Variants in CAMK1D observed in about 807,000 individuals in gnomAD.
CAMK1D encodes the protein calcium/calmodulin dependent protein kinase ID.
CAMK1D carries 9 observed loss-of-function variants against 47.7 expected under a neutral mutation model. That is an observed-to-expected ratio of 0.19 (90% CI 0.11 to 0.33). CAMK1D has a LOEUF of 0.33. Among genes scored for constraint, CAMK1D ranks in the 10% least tolerant of loss-of-function variants. The pLI, the probability that CAMK1D is intolerant of heterozygous loss-of-function variation, is 1.00. For missense variants in CAMK1D, 291 were observed against 488.7 expected (o/e 0.60, Z 3.81); for synonymous variants, 184 against 184.9 (o/e 0.99, Z 0.04).
At chr10:12,734,338 AAAAAAAAATATAT>A (rs1293231002) in intron 3 of CAMK1D, among the ~76,000 whole-genome samples, 7 of 36,110 alleles carry the variant, frequency 1.9e-4, no homozygotes, top group Admixed American at 1.4e-3. Context: ...AAAAAAAAAA[AAAAAAAAATATAT>A]ATATATATAT....
chr10:12,654,630 T>C (rs577548513), intron 2 of CAMK1D, among the ~76,000 whole-genome samples: 23 of 152,332 alleles, frequency 1.5e-4, no homozygotes, highest in African/African-American at 4.3e-4. Context: ...AGAAATGTTA[T>C]TTTTTTCATA....
intron 1 of CAMK1D, among the ~76,000 whole-genome samples, chr10:12,425,284 C>CTTTCT (rs1554768266): frequency 2.2e-4 from 31 of 140,986 alleles, no homozygotes; most frequent in African/African-American, 4.4e-4. Flanking sequence ...TTCTTTCTTT[C>CTTTCT]TTTTTTTTTT....
chr10:12,743,607 T>C (rs1835534251), intron 3 of CAMK1D, among the ~76,000 whole-genome samples: 2 of 152,318 alleles, frequency 1.3e-5, no homozygotes, highest in South Asian at 4.1e-4. Context: ...CCATCACCAC[T>C]ACAGAACTTC....
At chr10:12,735,834 C>T (rs1021371146) in intron 3 of CAMK1D, among the ~76,000 whole-genome samples, 10 of 151,668 alleles carry the variant, frequency 6.6e-5, no homozygotes, top group Non-Finnish European at 1.0e-4. Flanking sequence ...CCCCTCCTTG[C>T]GCTCCAGATA....
intron 1 of CAMK1D, among the ~76,000 whole-genome samples, chr10:12,408,601 G>T (rs1160018439): frequency 6.6e-6 from 1 of 152,102 alleles, no homozygotes; most frequent in Non-Finnish European, 1.5e-5. Context: ...TTTCTTTCCA[G>T]TGCACGTTGT....
chr10:12,819,423 GGC>G (rs1302349451), intron 8 of CAMK1D, among the ~76,000 whole-genome samples: 2 of 152,224 alleles, frequency 1.3e-5, no homozygotes, highest in Non-Finnish European at 2.9e-5. Flanking sequence ...TGGCAGGCAG[GGC>G]AGGGGCCTGG....
chr10:12,420,029 G>A (rs565206666), intron 1 of CAMK1D, among the ~76,000 whole-genome samples: 4 of 151,434 alleles, frequency 2.6e-5, no homozygotes, highest in South Asian at 2.1e-4. Context: ...TCGAGCTCTC[G>A]GCTCACTGCA....
chr10:12,762,247 A>G (rs1429236891), intron 4 of CAMK1D, among the ~76,000 whole-genome samples: 1 of 152,234 alleles, frequency 6.6e-6, no homozygotes, highest in Admixed American at 6.5e-5. Context: ...ACCCCAGCAC[A>G]CATACCCACC....
intron 3 of CAMK1D, among the ~76,000 whole-genome samples, chr10:12,745,871 T>G (rs77433602): frequency 0.011 from 1,653 of 152,280 alleles, 30 homozygotes; most frequent in African/African-American, 0.038. Flanking sequence ...CCCAAAGTGC[T>G]GGGATTACAG....
At chr10:12,748,771 G>A (rs1030738462) in intron 3 of CAMK1D, among the ~76,000 whole-genome samples, 2 of 152,148 alleles carry the variant, frequency 1.3e-5, no homozygotes, top group Non-Finnish European at 2.9e-5. Flanking sequence ...CAGTTGTGGT[G>A]GTGCACACCT....
intron 1 of CAMK1D, among the ~76,000 whole-genome samples, chr10:12,462,355 A>G (rs755934000): frequency 6.6e-6 from 1 of 151,842 alleles, no homozygotes; most frequent in Non-Finnish European, 1.5e-5. Context: ...TAGTAGAGAC[A>G]GGGTTTCACC....
At chr10:12,369,504 G>T (rs1299805959) in intron 1 of CAMK1D, among the ~76,000 whole-genome samples, 1 of 152,160 alleles carries the variant, frequency 6.6e-6, no homozygotes, top group Non-Finnish European at 1.5e-5. Context: ...TCATCGGGAT[G>T]GGGGCTCAGG....
In CAMK1D at chr10:12,574,658, C is replaced by T. The variant is rs376625239; in HGVS notation, c.224+21302C>T. Among the ~76,000 whole-genome samples, 278 of 151,816 alleles carry T rather than the reference C, an allele frequency of 1.8e-3. 8 individuals are homozygous for T. In the South Asian group the frequency reaches 0.054, roughly 30 times the overall value. ...CCTCCTTTGCTGACTTCTTCCTCCT[C>T]GTGTTAGTCTGTTCTCACACTGCTA... is the stretch of plus-strand genomic sequence containing the variant. On this transcript the variant is annotated intron_variant, in intron 2 of 10. Transcript: ENST00000619168.
chr10:12,533,947 G>T (rs1342361369), intron 1 of CAMK1D, among the ~76,000 whole-genome samples: 4 of 152,078 alleles, frequency 2.6e-5, no homozygotes, highest in Non-Finnish European at 5.9e-5. Flanking sequence ...TCTTATTCCA[G>T]GACGTCTCCT....
intron 3 of CAMK1D, among the ~76,000 whole-genome samples, chr10:12,739,343 T>A (rs929460912): frequency 6.6e-6 from 1 of 151,848 alleles, no homozygotes; most frequent in Non-Finnish European, 1.5e-5. Flanking sequence ...TTGCGCCATC[T>A]TGGCTCACTA....
At chr10:12,618,268 G>A in intron 2 of CAMK1D, among the ~76,000 whole-genome samples, 1 of 151,892 alleles carries the variant, frequency 6.6e-6, no homozygotes, top group East Asian at 1.9e-4. Flanking sequence ...ATTTTGTGGT[G>A]TGCATGTGTG....
intron 2 of CAMK1D, among the ~76,000 whole-genome samples, chr10:12,645,127 G>T (rs1012825562): frequency 6.6e-6 from 1 of 151,946 alleles, no homozygotes; most frequent in African/African-American, 2.4e-5. Flanking sequence ...ACATTTTTAA[G>T]TGGTTGAATG....
intron 1 of CAMK1D, among the ~76,000 whole-genome samples, chr10:12,444,882 C>T (rs907972108): frequency 1.3e-5 from 2 of 152,118 alleles, no homozygotes; most frequent in African/African-American, 4.8e-5. Flanking sequence ...AGTAAAGGTG[C>T]CAGACTCTTA....
At chr10:12,816,181 TG>T (rs1320516960) in intron 7 of CAMK1D, 68 bp from the exon 8 acceptor site, 24 of 1,282,410 alleles carry the variant, frequency 1.9e-5, no homozygotes, top group Non-Finnish European at 2.7e-5. Flanking sequence ...CCTGAAGACC[TG>T]GTGGGATCAT....
Sources: allele counts gnomAD v4.1 joint callset (sites outside exome capture counted in the v4.1 genomes callset), GRCh38; gene constraint gnomAD v4.1.1; transcripts MANE v1.5; gene names NCBI Gene and HGNC (gene_info 2026-07-23, HGNC 2026-07-21).